Variants in SDC2 observed in about 807,000 individuals in gnomAD.
SDC2 encodes the protein syndecan 2.
SDC2 carries 13 observed loss-of-function variants against 22.2 expected under a neutral mutation model. The observed-to-expected ratio is 0.59, with a 90% CI of 0.38 to 0.93. SDC2 has a LOEUF of 0.93. Among genes scored for constraint, SDC2 ranks in the 40% least tolerant of loss-of-function variants. SDC2 has a pLI of 0.00. For missense variants in SDC2, 235 were observed against 246.8 expected, an observed-to-expected ratio of 0.95 and a Z score of 0.32; for synonymous variants, 94 against 92.8, an observed-to-expected ratio of 1.01 and a Z score of -0.07.
chr8:96,585,616 A>G (rs909514284), intron 1 of SDC2, among the ~76,000 whole-genome samples: 2 of 152,298 alleles, frequency 1.3e-5, no homozygotes, highest in Non-Finnish European at 2.9e-5. Context: ...AAATAAGCAT[A>G]TGAGATCTTT....
intron 1 of SDC2, among the ~76,000 whole-genome samples, chr8:96,584,211 G>C (rs1424730309): frequency 5.9e-5 from 9 of 152,180 alleles, no homozygotes; most frequent in African/African-American, 2.2e-4. Context: ...TCTATCCATT[G>C]ACTGTGGCAA....
chr8:96,512,304 C>T (rs975830789), intron 1 of SDC2, among the ~76,000 whole-genome samples: 5 of 152,194 alleles, frequency 3.3e-5, no homozygotes, highest in African/African-American at 1.2e-4. Flanking sequence ...AGCGACTTCT[C>T]CTCTGGTGGT....
At chr8:96,531,714 C>A (rs943759322) in intron 1 of SDC2, among the ~76,000 whole-genome samples, 1 of 152,140 alleles carries the variant, frequency 6.6e-6, no homozygotes, top group Non-Finnish European at 1.5e-5. Context: ...ATTAGGAAAC[C>A]GTGGTTACTT....
intron 1 of SDC2, among the ~76,000 whole-genome samples, chr8:96,494,921 C>T (rs1315909367): frequency 2.0e-5 from 3 of 152,170 alleles, no homozygotes; most frequent in African/African-American, 7.2e-5. Flanking sequence ...GCGAGGTAAC[C>T]GACACTACGT....
chr8:96,536,005 G>A (rs2130498974), intron 1 of SDC2, among the ~76,000 whole-genome samples: 1 of 152,290 alleles, frequency 6.6e-6, no homozygotes, highest in African/African-American at 2.4e-5. Context: ...GAAATGATTT[G>A]TGTATGTCAG....
rs1365620450 is a variant in SDC2, at chr8:96,576,379, G to GTTTTTTTT, written c.61-17097_61-17096insTTTTTTTT. ...ATAATTGGTAGTTTGTTTTTGTTTTGTTTTGTTTTTTTTTACCAGATTTGC... is the reference window on the plus strand; with the variant it reads ...ATAATTGGTAGTTTGTTTTTGTTTTGTTTTTTTTTTTTGTTTTTTTTTACCAGATTTGC... On this transcript the variant is annotated intron_variant, in intron 1 of 4. Coordinates refer to ENST00000302190, the MANE Select transcript of SDC2 (RefSeq NM_002998.4). Among the ~76,000 whole-genome samples the GTTTTTTTT allele has an allele frequency of 1.3e-3, 64 of 47,568 alleles. 1 individual carries two copies. The highest frequency in any genetic ancestry group is 4.7e-3 in the African/African-American group (57 of 12,098). 31.2% of individuals were successfully genotyped at this position (47,568 alleles called of 152,430 possible). A position where few individuals can be genotyped will look rare whatever the true frequency, so the allele number is the denominator to read the frequency against.
chr8:96,512,823 A>G (rs1813348105), intron 1 of SDC2, among the ~76,000 whole-genome samples: 1 of 152,252 alleles, frequency 6.6e-6, no homozygotes, highest in South Asian at 2.1e-4. Context: ...AAAAGAAAAT[A>G]TAAACTTTGA....
intron 1 of SDC2, among the ~76,000 whole-genome samples, chr8:96,592,637 A>C (rs1423300479): frequency 6.6e-6 from 1 of 152,162 alleles, no homozygotes; most frequent in African/African-American, 2.4e-5. Context: ...ATTAGGTTGA[A>C]TTTTAATACT....
intron 1 of SDC2, among the ~76,000 whole-genome samples, chr8:96,510,117 T>A (rs1813305952): frequency 6.6e-6 from 1 of 152,188 alleles, no homozygotes; most frequent in Non-Finnish European, 1.5e-5. Flanking sequence ...CAGAAAAGCA[T>A]GTTTGGCCAG....
intron 1 of SDC2, among the ~76,000 whole-genome samples, chr8:96,552,142 ACTC>A (rs1329697299): frequency 1.3e-5 from 2 of 151,826 alleles, no homozygotes; most frequent in Admixed American, 6.6e-5. Flanking sequence ...CTTGGACAAA[ACTC>A]CTGCTTTACT....
At position 96,593,525 on chromosome 8, in the gene SDC2, T is replaced by A; in HGVS notation, c.106T>A (p.Ser36Thr). The A allele has an allele frequency of 1.2e-6, 2 of 1,614,096 alleles. No homozygotes were observed. Among genetic ancestry groups the A allele is most frequent in the Non-Finnish European group, 1.7e-6 (2 of 1,179,936 alleles). ...SDKDMYLDNS[S>T]IEEASGVYPI... ...TAAAGACATGTACCTTGACAACAGC[T>A]CCATTGAAGAAGCTTCAGGAGTGTA... Residue 36 changes from serine to threonine, a missense_variant, in exon 2 of 5, where the codon TCC (serine) becomes ACC (threonine). Ser to Thr is a moderately conservative substitution (Grantham distance 58). Transcript: ENST00000302190.
intron 1 of SDC2, among the ~76,000 whole-genome samples, chr8:96,533,278 A>G (rs990413186): frequency 6.6e-6 from 1 of 152,158 alleles, no homozygotes; most frequent in Non-Finnish European, 1.5e-5. Context: ...GCTTGCTTTT[A>G]TTCTCTTATC....
intron 1 of SDC2, among the ~76,000 whole-genome samples, chr8:96,561,765 A>C (rs974089628): frequency 1.3e-5 from 2 of 152,234 alleles, no homozygotes; most frequent in Non-Finnish European, 2.9e-5. Flanking sequence ...GCTGAGAACA[A>C]AACTCAGAGG....
chr8:96,552,037 C>T (rs1814036172), intron 1 of SDC2, among the ~76,000 whole-genome samples: 2 of 152,132 alleles, frequency 1.3e-5, no homozygotes, highest in South Asian at 4.1e-4. Flanking sequence ...CCAATTTGAG[C>T]AAGTAACACA....
rs533538824 is a variant in SDC2, at chr8:96,532,772, C to T, written c.60+38441C>T. On this transcript the variant is annotated intron_variant, in intron 1 of 4. Coordinates refer to ENST00000302190, the MANE Select transcript of SDC2 (RefSeq NM_002998.4). ...TGAGTACATCCGGGCTATGCATTCACCTTCTCTGATGGGTCTTCTAGGTTG... is the reference window on the plus strand; with the variant it reads ...TGAGTACATCCGGGCTATGCATTCATCTTCTCTGATGGGTCTTCTAGGTTG... 3.0e-4 allele frequency among the ~76,000 whole-genome samples: 45 copies of T among 152,256 alleles called. 1 individual carries two copies. Among genetic ancestry groups the T allele is most frequent in the Admixed American group, 1.8e-3 (27 of 15,296 alleles).
At chr8:96,534,061 C>T (rs1048498637) in intron 1 of SDC2, among the ~76,000 whole-genome samples, 3 of 152,320 alleles carry the variant, frequency 2.0e-5, no homozygotes, top group African/African-American at 4.8e-5. Flanking sequence ...GGTGTTAAGC[C>T]CCTCACTGCC....
At chr8:96,548,346 AAAAC>A (rs1237335852) in intron 1 of SDC2, among the ~76,000 whole-genome samples, 1 of 152,212 alleles carries the variant, frequency 6.6e-6, no homozygotes, top group African/African-American at 2.4e-5. Context: ...TCCAAAATTC[AAAAC>A]TTCTTGAGCA....
intron 1 of SDC2, among the ~76,000 whole-genome samples, chr8:96,574,613 T>C (rs976837080): frequency 6.6e-6 from 1 of 152,222 alleles, no homozygotes; most frequent in African/African-American, 2.4e-5. Context: ...GCTATCTGTG[T>C]GGTCTGCAGG....
At chr8:96,596,967 T>A (rs895194861) in intron 2 of SDC2, among the ~76,000 whole-genome samples, 2 of 152,106 alleles carry the variant, frequency 1.3e-5, no homozygotes, top group African/African-American at 4.8e-5. Context: ...AGAGTGATGT[T>A]AAACTCAGGA....
Sources: allele counts gnomAD v4.1 joint callset (sites outside exome capture counted in the v4.1 genomes callset), GRCh38; gene constraint gnomAD v4.1.1; transcripts MANE v1.5; gene names NCBI Gene and HGNC (gene_info 2026-07-23, HGNC 2026-07-21).